Variants in GNPTAB observed in about 807,000 individuals in gnomAD.
GNPTAB encodes the protein N-acetylglucosamine-1-phosphotransferase subunits alpha/beta.
A neutral mutation model predicts 136.6 loss-of-function variants in GNPTAB; 92 were observed. That is an observed-to-expected ratio of 0.67 (90% CI 0.57 to 0.80). The LOEUF (loss-of-function observed/expected upper bound fraction) is 0.80. Among genes scored for constraint, GNPTAB ranks in the 30% least tolerant of loss-of-function variants. The pLI is 0.00. For missense variants in GNPTAB, 1,343 were observed against 1,501.8 expected (o/e 0.89, Z 1.75); for synonymous variants, 512 against 535.1 (o/e 0.96, Z 0.60).
chr12:101,813,142 T>C (rs939067306), intron 1 of GNPTAB, among the ~76,000 whole-genome samples: 6 of 152,130 alleles, frequency 3.9e-5, no homozygotes, highest in Non-Finnish European at 8.8e-5. Flanking sequence ...CCCATGGAAA[T>C]CTTAGTAAAA....
At chr12:101,772,405 C>T (rs141772377) in intron 7 of GNPTAB, among the ~76,000 whole-genome samples, 83 of 152,296 alleles carry the variant, frequency 5.4e-4, no homozygotes, top group African/African-American at 1.9e-3. Flanking sequence ...GTTTCCTGAG[C>T]GTATGTAGTC....
chr12:101,804,127 T>C (rs760585934), intron 1 of GNPTAB, among the ~76,000 whole-genome samples: 4 of 152,022 alleles, frequency 2.6e-5, no homozygotes, highest in Admixed American at 6.6e-5. Context: ...GGCAGGAGAA[T>C]TGCTTGAGCC....
At chr12:101,759,971 A>T in intron 16 of GNPTAB, 59 bp downstream of exon 16, 1 of 993,180 alleles carries the variant, frequency 1.0e-6, no homozygotes. Flanking sequence ...AAATGCTGTA[A>T]GTAACACTTG....
chr12:101,799,018 G>T (rs893463365), intron 1 of GNPTAB, among the ~76,000 whole-genome samples: 1 of 151,824 alleles, frequency 6.6e-6, no homozygotes. Flanking sequence ...GCCATTTCAA[G>T]ACAAAAGAAT....
At chr12:101,764,147 T>C in intron 13 of GNPTAB, 55 bp downstream of exon 13, 2 of 1,585,112 alleles carry the variant, frequency 1.3e-6, no homozygotes, top group Admixed American at 3.3e-5. Context: ...GATATTATCA[T>C]GAGATTATTT....
chr12:101,786,993 A>G (rs544928203), intron 4 of GNPTAB, among the ~76,000 whole-genome samples: 1 of 152,362 alleles, frequency 6.6e-6, no homozygotes, highest in South Asian at 2.1e-4. Context: ...AAACGACACC[A>G]AATCTTTTGG....
At chr12:101,788,922 C>A (rs979807046) in intron 3 of GNPTAB, among the ~76,000 whole-genome samples, 1 of 152,188 alleles carries the variant, frequency 6.6e-6, no homozygotes, top group East Asian at 1.9e-4. Context: ...TCCAGAAGTC[C>A]GCTGTAACTT....
rs546034103 is a variant in GNPTAB, at chr12:101,746,957, G to A, written c.*207C>T. On this transcript the variant is annotated 3_prime_UTR_variant, in exon 21 of 21. Transcript: ENST00000299314. ...ATTCTTTAAAAGTAAAATCAGTTCAGAGCTGCTCAACACACAAGTTTTCAG... is the reference window on the plus strand; with the variant it reads ...ATTCTTTAAAAGTAAAATCAGTTCAAAGCTGCTCAACACACAAGTTTTCAG... 8.8e-6 allele frequency: 5 copies of A among 569,456 alleles called. No homozygotes were observed. In the East Asian group the frequency reaches 1.5e-4, roughly 17 times the overall value. 35.3% of individuals were successfully genotyped at this position (569,456 alleles called of 1,614,324 possible).
At position 101,795,227 on chromosome 12, in the gene GNPTAB, G is replaced by A. The variant is rs1003648527; in HGVS notation, c.203+1450C>T. ...CTCAGAACCCCTCTGAAACCTATAC[G>A]CAGAAACTCTGGGCTGGGAAGTAAC... On this transcript the variant is annotated intron_variant, in intron 2 of 20. Transcript: ENST00000299314. Among the ~76,000 whole-genome samples, 4 of 152,246 alleles carry A rather than the reference G, an allele frequency of 2.6e-5. No homozygotes were observed. The East Asian group carries it at 5.8e-4, about 22-fold the overall frequency.
intron 1 of GNPTAB, among the ~76,000 whole-genome samples, chr12:101,814,766 A>G (rs773462555): frequency 6.6e-6 from 1 of 152,338 alleles, no homozygotes; most frequent in Admixed American, 6.5e-5. Context: ...CATAAATAAT[A>G]ACTATATTTT....
intron 19 of GNPTAB, among the ~76,000 whole-genome samples, chr12:101,749,843 C>G (rs1257757364): frequency 6.6e-6 from 1 of 152,172 alleles, no homozygotes; most frequent in Non-Finnish European, 1.5e-5. Context: ...GGGAACTAAG[C>G]CAGGTGAAGG....
intron 7 of GNPTAB, 181 bp downstream of exon 7, chr12:101,779,971 G>A (rs1407425089): frequency 4.6e-6 from 3 of 653,998 alleles, no homozygotes; most frequent in African/African-American, 1.8e-5. Context: ...AACCAAATAA[G>A]ACTCTTAGAT....
rs1269631879 is a variant in GNPTAB at position 101,816,829 on chromosome 12, T to A, written c.117+13730A>T. Among the ~76,000 whole-genome samples, 9 of 152,140 alleles carry A rather than the reference T, an allele frequency of 5.9e-5. No homozygotes were observed. The South Asian group carries it at 1.4e-3, about 24-fold the overall frequency. ...TCAATGGATGAATGGATAAAGAAAA[T>A]GGTTTATACACACAATGGGATATTA... On this transcript the variant is annotated intron_variant, in intron 1 of 20. Transcript: ENST00000299314.
chr12:101,788,822 T>C (rs1366610573), intron 3 of GNPTAB, among the ~76,000 whole-genome samples: 1 of 152,194 alleles, frequency 6.6e-6, no homozygotes, highest in Admixed American at 6.5e-5. Context: ...CTCTTGACAT[T>C]CACAAAGAAG....
At chr12:101,783,011 C>A (rs931637601) in intron 5 of GNPTAB, among the ~76,000 whole-genome samples, 3 of 151,938 alleles carry the variant, frequency 2.0e-5, no homozygotes, top group East Asian at 1.9e-4. Flanking sequence ...CCTGCCCTGG[C>A]CGACACTTCC....
intron 20 of GNPTAB, among the ~76,000 whole-genome samples, chr12:101,748,345 A>G (rs1952766883): frequency 6.6e-6 from 1 of 152,224 alleles, no homozygotes; most frequent in East Asian, 1.9e-4. Flanking sequence ...GACAGCTAGA[A>G]AAGCTCCACT....
intron 16 of GNPTAB, among the ~76,000 whole-genome samples, chr12:101,758,585 G>C (rs1952939274): frequency 6.6e-6 from 1 of 152,162 alleles, no homozygotes; most frequent in South Asian, 2.1e-4. Flanking sequence ...TTATTAATTT[G>C]GTAATGTTAA....
At chr12:101,793,863 GAT>G (rs983507981) in intron 2 of GNPTAB, among the ~76,000 whole-genome samples, 2 of 152,152 alleles carry the variant, frequency 1.3e-5, no homozygotes, top group African/African-American at 2.4e-5. Flanking sequence ...CTTATTTAGA[GAT>G]AGAGTCTTGC....
chr12:101,818,922 T>C (rs781310463), intron 1 of GNPTAB, among the ~76,000 whole-genome samples: 3 of 152,156 alleles, frequency 2.0e-5, no homozygotes, highest in Non-Finnish European at 2.9e-5. Flanking sequence ...CCTGCTGCCA[T>C]GTAAGATGTG....
Sources: allele counts gnomAD v4.1 joint callset (sites outside exome capture counted in the v4.1 genomes callset), GRCh38; gene constraint gnomAD v4.1.1; transcripts MANE v1.5; gene names NCBI Gene and HGNC (gene_info 2026-07-23, HGNC 2026-07-21).